ACACA: variants seen among roughly 807,000 people sequenced by gnomAD.
ACACA encodes acetyl-CoA carboxylase 1.
A neutral mutation model predicts 296.1 loss-of-function variants in ACACA; 103 were observed. The observed-to-expected ratio is 0.35, with a 90% CI of 0.30 to 0.41. The LOEUF is 0.41. ACACA is among the 10% of genes least tolerant of loss of function. The pLI is 1.00. For missense variants in ACACA, 1,554 were observed against 2,989.7 expected, an observed-to-expected ratio of 0.52 and a Z score of 11.20; for synonymous variants, 953 against 1,038.6, an observed-to-expected ratio of 0.92 and a Z score of 1.58.
At chr17:37,406,079 T>C (rs2051492349) in intron 1 of ACACA, among the ~76,000 whole-genome samples, 183 bp downstream of exon 1, 1 of 152,144 alleles carries the variant, frequency 6.6e-6, no homozygotes, top group South Asian at 2.1e-4. Flanking sequence ...AAGTTATTTA[T>C]GTCAGTGCCT....
At chr17:37,147,570 G>T (rs1482951266) in intron 45 of ACACA, among the ~76,000 whole-genome samples, 2 of 152,132 alleles carry the variant, frequency 1.3e-5, no homozygotes, top group Non-Finnish European at 2.9e-5. Flanking sequence ...TAGGCAAAGG[G>T]GCTAATAGGA....
chr17:37,218,449 G>A (rs2079136012), intron 29 of ACACA, among the ~76,000 whole-genome samples: 1 of 152,162 alleles, frequency 6.6e-6, no homozygotes, highest in South Asian at 2.1e-4. Context: ...ACTTTTAAAT[G>A]TGGCCAATAG....
chr17:37,346,916 T>C (rs1218517246), intron 1 of ACACA, among the ~76,000 whole-genome samples: 1 of 152,244 alleles, frequency 6.6e-6, no homozygotes, highest in East Asian at 1.9e-4. Flanking sequence ...GATGAGACTC[T>C]GGACTGTGGA....
chr17:37,256,534 A>G (rs1381232878), intron 14 of ACACA, among the ~76,000 whole-genome samples: 2 of 152,180 alleles, frequency 1.3e-5, no homozygotes, highest in Non-Finnish European at 2.9e-5. Flanking sequence ...GGAGTTTAAG[A>G]CTAGCCTGGG....
chr17:37,284,182 C>A (rs1004023594), intron 4 of ACACA, among the ~76,000 whole-genome samples: 1 of 152,138 alleles, frequency 6.6e-6, no homozygotes, highest in Admixed American at 6.5e-5. Context: ...AAAAGTGACA[C>A]GGAATTACAT....
intron 1 of ACACA, among the ~76,000 whole-genome samples, chr17:37,344,144 C>T (rs2048510728): frequency 1.3e-5 from 2 of 151,692 alleles, no homozygotes; most frequent in South Asian, 4.2e-4. Flanking sequence ...AAAAAAACCT[C>T]TAGGCCAGGT....
chr17:37,195,645 CA>C (rs1258769987), intron 35 of ACACA, among the ~76,000 whole-genome samples: 1 of 151,992 alleles, frequency 6.6e-6, no homozygotes, highest in Non-Finnish European at 1.5e-5. Context: ...AACTACTAAG[CA>C]ATTCTTCAGT....
intron 3 of ACACA, among the ~76,000 whole-genome samples, chr17:37,324,496 C>A (rs565754510): frequency 1.4e-3 from 214 of 151,692 alleles, no homozygotes; most frequent in African/African-American, 4.9e-3. Flanking sequence ...ATGGAGAAAC[C>A]CCATCTCTAC....
At chr17:37,194,842 T>C (rs1280777237) in intron 35 of ACACA, among the ~76,000 whole-genome samples, 1 of 152,148 alleles carries the variant, frequency 6.6e-6, no homozygotes, top group Non-Finnish European at 1.5e-5. Flanking sequence ...TTTACCAACC[T>C]CAGGGAAATC....
intron 41 of ACACA, among the ~76,000 whole-genome samples, chr17:37,164,022 C>T (rs2076567081): frequency 6.6e-6 from 1 of 152,134 alleles, no homozygotes. Flanking sequence ...TCCCCTATAC[C>T]TGGATAAGTA....
rs1300739925 is a variant in ACACA at position 37,248,665 on chromosome 17, G to A, written c.2091C>T (p.Val697=). The change falls in exon 17 of 56, where the codon GTC becomes GTT. Residue 697 remains valine, a synonymous_variant. Coordinates refer to ENST00000616317, the MANE Select transcript of ACACA (RefSeq NM_198834.3). ...NFLHSLERGQ[V]LPAHTLLNTV... Reference sequence around the variant, plus strand: ...TATTCAGAAGTGTATGAGCAGGAAGGACTTGACCCCTGAAAGAACGATGAG... The same window carrying A: ...TATTCAGAAGTGTATGAGCAGGAAGAACTTGACCCCTGAAAGAACGATGAG... The A allele has an allele frequency of 1.2e-6, 2 of 1,609,162 alleles. No individual in the cohort carries two copies. The highest frequency in any genetic ancestry group is 1.7e-6 in the Non-Finnish European group (2 of 1,176,294).
chr17:37,327,912 C>G (rs544577095), intron 3 of ACACA, among the ~76,000 whole-genome samples: 1 of 152,336 alleles, frequency 6.6e-6, no homozygotes, highest in South Asian at 2.1e-4. Context: ...AACCCCCCAA[C>G]ACACTTCCAA....
intron 1 of ACACA, among the ~76,000 whole-genome samples, chr17:37,349,259 C>T (rs2048777547): frequency 6.6e-6 from 1 of 150,446 alleles, no homozygotes; most frequent in East Asian, 2.0e-4. Flanking sequence ...TGAGGTTTTG[C>T]CACATTGGCC....
At chr17:37,257,430 T>G (rs1040534023) in intron 14 of ACACA, among the ~76,000 whole-genome samples, 1 of 152,182 alleles carries the variant, frequency 6.6e-6, no homozygotes, top group Admixed American at 6.5e-5. Flanking sequence ...AAGATACCTT[T>G]AAAGCAATCA....
rs941258569 is a variant in ACACA at position 37,242,056 on chromosome 17, A to G, written c.2932-3T>C. 1.2e-6 allele frequency: 2 copies of G among 1,613,484 alleles called. No individual in the cohort carries two copies. Among genetic ancestry groups the G allele is most frequent in the Non-Finnish European group, 8.5e-7 (1 of 1,179,592 alleles). On this transcript the variant is annotated splice_region_variant and splice_polypyrimidine_tract_variant and intron_variant, in intron 22 of 55. Transcript: ENST00000616317. ...TGGCTATCTAGGATGTTTGCAATCT[A>G]AGGTATAAAAAAGGGAAAAAAATGA...
chr17:37,298,955 A>T (rs2083482378), intron 3 of ACACA, among the ~76,000 whole-genome samples: 1 of 152,184 alleles, frequency 6.6e-6, no homozygotes, highest in Non-Finnish European at 1.5e-5. Flanking sequence ...ATACTAGCCA[A>T]ATCCAGGGAG....
intron 26 of ACACA, 139 bp downstream of exon 26, chr17:37,226,200 T>G (rs1247550750): frequency 1.3e-6 from 1 of 792,136 alleles, no homozygotes; most frequent in Non-Finnish European, 2.3e-6. Context: ...ATGAAAACAT[T>G]TGTTCTGAGG....
chr17:37,330,423 C>G lies in ACACA; in HGVS notation c.88G>C (p.Val30Leu). The G allele has an allele frequency of 6.2e-7, 1 of 1,614,156 alleles. No homozygotes were observed. The highest frequency in any genetic ancestry group is 2.2e-5 in the East Asian group (1 of 44,884). ...STQTVRIIRA[V>L]RAHFGGIMDE... ...ATTATTCCTCCAAAATGAGCTCTTA[C>G]AGCTATGGAGAAAATGAAAAGTGAG... The change falls in exon 3 of 56, where the codon GTA becomes CTA. Residue 30 changes from valine to leucine, a missense_variant and splice_region_variant. Physicochemically the swap from Val to Leu is conservative, Grantham distance 32 (BLOSUM62 1). This residue lies in a region of ACACA where 140 missense variants were observed against 147.7 expected (regional missense o/e 0.95). Coordinates refer to ENST00000616317, the MANE Select transcript of ACACA (RefSeq NM_198834.3).
At chr17:37,337,257 T>A (rs570492696) in intron 2 of ACACA, among the ~76,000 whole-genome samples, 6 of 150,642 alleles carry the variant, frequency 4.0e-5, no homozygotes, top group East Asian at 2.0e-4. Context: ...TAAAAAAAAA[T>A]TTTTTTTAAT....
Sources: gnomAD v4.1 joint callset for allele counts (sites outside exome capture counted in the v4.1 genomes callset) on GRCh38, gnomAD v4.1.1 for gene constraint, gnomAD v4.1.1 regional missense constraint, MANE v1.5 for transcripts, NCBI Gene and HGNC (gene_info 2026-07-23, HGNC 2026-07-21) for gene names.